Variants in EXT1 observed in about 807,000 individuals in gnomAD.
EXT1 encodes exostosin glycosyltransferase 1, also known as exostosin-1.
EXT1 carries 20 observed loss-of-function variants against 82.5 expected under a neutral mutation model. That is an observed-to-expected ratio of 0.24 (90% CI 0.17 to 0.35). EXT1 has a LOEUF of 0.35. Ranked by LOEUF, EXT1 falls within the 10% of genes least tolerant of loss-of-function variation. The pLI is 1.00. For missense variants in EXT1, 757 were observed against 936.5 expected (o/e 0.81, Z 2.50); for synonymous variants, 348 against 350.8 (o/e 0.99, Z 0.09).
rs113012774 is a variant in EXT1, at chr8:118,013,970, A to G, written c.962+96115T>C. Among the ~76,000 whole-genome samples the G allele has an allele frequency of 1.2e-3, 186 of 152,310 alleles. 1 individual carries two copies. Among genetic ancestry groups the G allele is most frequent in the African/African-American group, 4.4e-3 (185 of 41,574 alleles). On this transcript the variant is annotated intron_variant, in intron 1 of 10. Transcript: ENST00000378204. Reference sequence around the variant, plus strand: ...AACTGCGATTGAATCCTGGCTCACTACAAGCTCAATGTGTAATCCTAGCTA... The same window carrying G: ...AACTGCGATTGAATCCTGGCTCACTGCAAGCTCAATGTGTAATCCTAGCTA...
intron 1 of EXT1, among the ~76,000 whole-genome samples, chr8:117,946,609 A>C (rs1212041048): frequency 1.3e-5 from 2 of 152,066 alleles, no homozygotes; most frequent in Non-Finnish European, 2.9e-5. Context: ...AAACAGACAA[A>C]AGCGTCATCC....
chr8:118,024,041 C>T (rs1816156868), intron 1 of EXT1, among the ~76,000 whole-genome samples: 1 of 152,182 alleles, frequency 6.6e-6, no homozygotes, highest in African/African-American at 2.4e-5. Flanking sequence ...TCTCCTTCCC[C>T]CTATCTCCCA....
chr8:117,888,134 C>T (rs188569094), intron 1 of EXT1, among the ~76,000 whole-genome samples: 366 of 151,126 alleles, frequency 2.4e-3, no homozygotes, highest in Non-Finnish European at 3.7e-3. Context: ...AAATATAATG[C>T]CTCTTCTCAG....
chr8:117,868,874 C>T (rs568399721), intron 1 of EXT1, among the ~76,000 whole-genome samples: 1 of 152,220 alleles, frequency 6.6e-6, no homozygotes, highest in South Asian at 2.1e-4. Context: ...AAATTCCAGC[C>T]CATAGAGCAG....
intron 1 of EXT1, among the ~76,000 whole-genome samples, chr8:117,987,905 T>C (rs568388316): frequency 2.0e-4 from 30 of 152,060 alleles, no homozygotes; most frequent in Non-Finnish European, 4.3e-4. Context: ...CTGGGCAACA[T>C]AGCAAAATCT....
chr8:117,918,339 C>T (rs1254559689), intron 1 of EXT1, among the ~76,000 whole-genome samples: 1 of 152,206 alleles, frequency 6.6e-6, no homozygotes, highest in Non-Finnish European at 1.5e-5. Context: ...CCCAAAGGAG[C>T]TCCACAGATC....
At chr8:117,903,652 CT>C (rs751276038) in intron 1 of EXT1, among the ~76,000 whole-genome samples, 15 of 152,178 alleles carry the variant, frequency 9.9e-5, no homozygotes, top group Non-Finnish European at 1.9e-4. Context: ...CATTTTCCTC[CT>C]TTTTCTTCAG....
intron 1 of EXT1, among the ~76,000 whole-genome samples, chr8:117,993,255 T>C (rs1815471747): frequency 6.6e-6 from 1 of 152,184 alleles, no homozygotes; most frequent in Non-Finnish European, 1.5e-5. Context: ...AGGAGAAATA[T>C]GTATGCATTC....
intron 1 of EXT1, among the ~76,000 whole-genome samples, chr8:118,073,625 GAAGAGAAAGAAGAGAAGAGA>G (rs1286182242): frequency 7.2e-6 from 1 of 139,016 alleles, no homozygotes; most frequent in South Asian, 2.3e-4. Context: ...GAAGAGAAGA[GAAGAGAAAGAAGAGAAGAGA>G]AGAGAAGAGA....
intron 1 of EXT1, among the ~76,000 whole-genome samples, chr8:117,875,639 AT>A (rs1327057257): frequency 2.0e-5 from 3 of 152,066 alleles, no homozygotes; most frequent in African/African-American, 7.2e-5. Flanking sequence ...GGTCATTTTT[AT>A]TTGTTAGATT....
chr8:118,051,502 G>A (rs1484922617), intron 1 of EXT1, among the ~76,000 whole-genome samples: 1 of 152,108 alleles, frequency 6.6e-6, no homozygotes, highest in Non-Finnish European at 1.5e-5. Context: ...TTTTAAAAAA[G>A]TCACAAAAGT....
rs187045791 is a variant in EXT1, at chr8:117,976,735, A to C, written c.962+133350T>G. Reference sequence around the variant, plus strand: ...TTTATGTAAGCTTATACTTTAATGAAATTTTAAATAAATATGTTTAGATAT... The same window carrying C: ...TTTATGTAAGCTTATACTTTAATGACATTTTAAATAAATATGTTTAGATAT... On this transcript the variant is annotated intron_variant, in intron 1 of 10. Coordinates refer to ENST00000378204, the MANE Select transcript of EXT1 (RefSeq NM_000127.3). Among the ~76,000 whole-genome samples the C allele has an allele frequency of 3.2e-4, 49 of 152,342 alleles. 1 individual carries two copies. The highest frequency in any genetic ancestry group is 1.1e-3 in the African/African-American group (44 of 41,570).
rs530421541 is a variant in EXT1, at chr8:117,930,052, C to T, written c.963-92851G>A. On this transcript the variant is annotated intron_variant, in intron 1 of 10. Coordinates refer to ENST00000378204, the MANE Select transcript of EXT1 (RefSeq NM_000127.3). ...CCTGGGAGGCGGAGGTTGCAGCAAG[C>T]CAAGATCGCACATTGCACTGCAGCC... is the stretch of plus-strand genomic sequence containing the variant. Among the ~76,000 whole-genome samples the T allele has an allele frequency of 2.5e-4, 38 of 151,948 alleles. 1 individual carries two copies. In the South Asian group the frequency reaches 7.7e-3, roughly 31 times the overall value.
At chr8:118,023,461 G>A (rs951942362) in intron 1 of EXT1, among the ~76,000 whole-genome samples, 1 of 152,166 alleles carries the variant, frequency 6.6e-6, no homozygotes, top group Non-Finnish European at 1.5e-5. Context: ...CTTTAAAATA[G>A]GAATGGCTTC....
intron 1 of EXT1, among the ~76,000 whole-genome samples, chr8:117,889,575 T>C (rs915913949): frequency 5.9e-5 from 9 of 152,228 alleles, no homozygotes; most frequent in South Asian, 2.1e-4. Flanking sequence ...TAGAAAGATA[T>C]GTGTTTTACC....
chr8:117,832,520 TAA>T (rs78434447), intron 3 of EXT1, among the ~76,000 whole-genome samples: 4 of 142,082 alleles, frequency 2.8e-5, no homozygotes, highest in East Asian at 2.0e-4. Flanking sequence ...AAGACTGTCT[TAA>T]AAAAAAAAAA....
At chr8:117,885,272 G>A (rs140049178) in intron 1 of EXT1, among the ~76,000 whole-genome samples, 2 of 152,294 alleles carry the variant, frequency 1.3e-5, no homozygotes, top group East Asian at 3.9e-4. Context: ...CAAGTGCCAT[G>A]TATACATGTG....
chr8:117,904,020 T>C (rs978207251), intron 1 of EXT1, among the ~76,000 whole-genome samples: 3 of 152,216 alleles, frequency 2.0e-5, no homozygotes, highest in Admixed American at 2.0e-4. Flanking sequence ...TAAAATTTGT[T>C]CTTTAATTAA....
At chr8:117,964,008 T>C (rs1018072776) in intron 1 of EXT1, among the ~76,000 whole-genome samples, 1 of 152,222 alleles carries the variant, frequency 6.6e-6, no homozygotes, top group Non-Finnish European at 1.5e-5. Context: ...TAAATGGTTA[T>C]GTTGATTAAA....
Sources: allele counts gnomAD v4.1 joint callset (sites outside exome capture counted in the v4.1 genomes callset), GRCh38; gene constraint gnomAD v4.1.1; transcripts MANE v1.5; gene names NCBI Gene and HGNC (gene_info 2026-07-23, HGNC 2026-07-21).